NTRK3: variants seen among roughly 807,000 people sequenced by gnomAD.
The protein encoded by NTRK3 is NT-3 growth factor receptor.
Under a neutral mutation model 91.7 loss-of-function variants are expected in NTRK3, and 24 were observed. The observed-to-expected ratio is 0.26, with a 90% CI of 0.19 to 0.37. The LOEUF (loss-of-function observed/expected upper bound fraction) is 0.37, where lower values mean the gene tolerates loss of function less well. NTRK3 is among the 10% of genes least tolerant of loss of function. The pLI, the probability that NTRK3 is intolerant of heterozygous loss-of-function variation, is 1.00. For missense variants in NTRK3, 880 were observed against 1,068.9 expected (o/e 0.82, Z 2.46); for synonymous variants, 483 against 404.0 (o/e 1.20, Z -2.34).
intron 3 of NTRK3, among the ~76,000 whole-genome samples, chr15:88,231,947 T>C (rs1360837228): frequency 6.6e-6 from 1 of 152,224 alleles, no homozygotes; most frequent in Non-Finnish European, 1.5e-5. Context: ...ATTTGAACTT[T>C]CTTTAAGATT....
chr15:87,952,204 A>AGG (rs1201552419), intron 14 of NTRK3, among the ~76,000 whole-genome samples: 6 of 151,470 alleles, frequency 4.0e-5, no homozygotes, highest in Admixed American at 1.3e-4. Flanking sequence ...AAAGGAAAGA[A>AGG]AGAAAGAAGA....
chr15:88,005,477 A>C (rs1012409754), intron 14 of NTRK3, among the ~76,000 whole-genome samples: 1 of 152,038 alleles, frequency 6.6e-6, no homozygotes, highest in Non-Finnish European at 1.5e-5. Flanking sequence ...CCTAAAACAC[A>C]CTGTTCTGCA....
At chr15:88,054,385 C>A (rs1253979566) in intron 13 of NTRK3, among the ~76,000 whole-genome samples, 1 of 152,174 alleles carries the variant, frequency 6.6e-6, no homozygotes, top group African/African-American at 2.4e-5. Flanking sequence ...CAGAACTCCT[C>A]ATTCCTGGCA....
intron 14 of NTRK3, among the ~76,000 whole-genome samples, chr15:88,018,672 T>A (rs962363009): frequency 6.6e-6 from 1 of 152,146 alleles, no homozygotes; most frequent in Admixed American, 6.5e-5. Flanking sequence ...AGCAAACATT[T>A]TAACCATTCC....
intron 13 of NTRK3, among the ~76,000 whole-genome samples, chr15:88,054,343 T>A (rs898061252): frequency 3.3e-5 from 5 of 152,182 alleles, no homozygotes; most frequent in African/African-American, 9.7e-5. Flanking sequence ...CTGATCTAAG[T>A]GTCCTCTGCT....
intron 10 of NTRK3, chr15:88,131,989 T>A: frequency 4.9e-6 from 1 of 202,334 alleles, no homozygotes; most frequent in Non-Finnish European, 1.0e-5. Context: ...AATACACATG[T>A]CTCCTACAGT....
chr15:88,046,446 C>T (rs2080204823), intron 13 of NTRK3, among the ~76,000 whole-genome samples: 2 of 152,148 alleles, frequency 1.3e-5, no homozygotes, highest in Admixed American at 1.3e-4. Context: ...ACAGAGATGA[C>T]ACATAGGAAG....
At chr15:88,033,645 G>C (rs961716085) in intron 13 of NTRK3, among the ~76,000 whole-genome samples, 1 of 151,856 alleles carries the variant, frequency 6.6e-6, no homozygotes, top group Non-Finnish European at 1.5e-5. Flanking sequence ...CACTGGAAGC[G>C]TATTCCTCGA....
At chr15:88,238,468 A>G (rs975436102) in intron 3 of NTRK3, among the ~76,000 whole-genome samples, 4 of 152,308 alleles carry the variant, frequency 2.6e-5, no homozygotes, top group African/African-American at 9.6e-5. Flanking sequence ...AAGACAGAAT[A>G]TAAACATTAC....
In NTRK3 at chr15:87,929,445, A is replaced by G. The variant is rs539744663; in HGVS notation, c.1890-11T>C. The G allele has an allele frequency of 6.2e-7, 1 of 1,613,514 alleles. No individual in the cohort carries two copies. Among genetic ancestry groups the G allele is most frequent in the East Asian group, 2.2e-5 (1 of 44,860 alleles). On this transcript the variant is annotated splice_polypyrimidine_tract_variant and intron_variant, in intron 16 of 18. Coordinates refer to ENST00000394480, the Ensembl canonical transcript of NTRK3. The stretch of plus-strand genomic sequence containing the variant: ...TCTGGCCCATGGGCCCTGCAAGAGC[A>G]TGGGGAGAAGAGAGGGGGCAGAGAG...
At chr15:88,061,422 C>T (rs1024419119) in intron 13 of NTRK3, among the ~76,000 whole-genome samples, 1 of 152,232 alleles carries the variant, frequency 6.6e-6, no homozygotes. Context: ...GCTTGTGCTG[C>T]CCTCCACAAG....
intron 13 of NTRK3, among the ~76,000 whole-genome samples, chr15:88,034,141 G>C (rs112970437): frequency 1.3e-3 from 200 of 152,228 alleles, no homozygotes; most frequent in Admixed American, 3.5e-3. Flanking sequence ...ACCCTCCCTT[G>C]TTCACAGGGA....
chr15:88,106,744 A>G (rs1396755714), intron 13 of NTRK3, among the ~76,000 whole-genome samples: 4 of 152,124 alleles, frequency 2.6e-5, no homozygotes, highest in Non-Finnish European at 1.5e-5. Flanking sequence ...CAGCCTGACC[A>G]ACATGGTGAA....
intron 14 of NTRK3, among the ~76,000 whole-genome samples, chr15:88,016,591 G>C (rs1228962593): frequency 6.6e-6 from 1 of 152,210 alleles, no homozygotes; most frequent in African/African-American, 2.4e-5. Flanking sequence ...CCTCCCAGGG[G>C]CCTCTCATTC....
intron 14 of NTRK3, among the ~76,000 whole-genome samples, chr15:87,951,597 T>C (rs2071112652): frequency 6.6e-6 from 1 of 152,176 alleles, no homozygotes; most frequent in East Asian, 1.9e-4. Flanking sequence ...AGGATTTTAG[T>C]TAATGCACAA....
rs181200381 is a variant in NTRK3 at position 88,234,513 on chromosome 15, G to A, written c.248+21393C>T. 6.4e-4 allele frequency among the ~76,000 whole-genome samples: 98 copies of A among 152,156 alleles called. 1 individual carries two copies. Among genetic ancestry groups the A allele is most frequent in the African/African-American group, 2.3e-3 (94 of 41,528 alleles). Reference sequence around the variant, plus strand: ...CCATTGCTTCAGGGGCCCTCCTCACGCTGCTCCCTCCTCTAGACTAGCTCT... The same window carrying A: ...CCATTGCTTCAGGGGCCCTCCTCACACTGCTCCCTCCTCTAGACTAGCTCT... On this transcript the variant is annotated intron_variant, in intron 3 of 18. Transcript: ENST00000394480. The surrounding 1 kb of genome is among the most constrained non-coding windows in gnomAD (Gnocchi z 6.1).
intron 17 of NTRK3, among the ~76,000 whole-genome samples, chr15:87,922,024 G>C (rs530420507): frequency 6.6e-6 from 1 of 152,202 alleles, no homozygotes; most frequent in Non-Finnish European, 1.5e-5. Flanking sequence ...GCAGAGAAGA[G>C]AGGTACCACT....
rs1226462293 is a variant in NTRK3 at position 88,234,805 on chromosome 15, C to T, written c.248+21101G>A. Among the ~76,000 whole-genome samples the T allele has an allele frequency of 1.3e-5, 2 of 152,200 alleles. No individual in the cohort carries two copies. The highest frequency in any genetic ancestry group is 2.9e-5 in the Non-Finnish European group (2 of 68,030). ...ACTAAAATCTAACCCCTTCCCACAG[C>T]CTGCATGACCCTGCTTGATCTAGTC... On this transcript the variant is annotated intron_variant, in intron 3 of 18. Coordinates refer to ENST00000394480, the Ensembl canonical transcript of NTRK3. The surrounding 1 kb of genome is among the most constrained non-coding windows in gnomAD (Gnocchi z 6.1).
intron 13 of NTRK3, among the ~76,000 whole-genome samples, chr15:88,035,900 A>G (rs942025650): frequency 6.6e-6 from 1 of 152,202 alleles, no homozygotes; most frequent in African/African-American, 2.4e-5. Flanking sequence ...CGATCGTCAA[A>G]ATTTTAAAGT....
Sources: allele counts gnomAD v4.1 joint callset (sites outside exome capture counted in the v4.1 genomes callset), GRCh38; gene constraint gnomAD v4.1.1; non-coding constraint Gnocchi (gnomAD v3.1); transcripts MANE v1.5; gene names NCBI Gene and HGNC (gene_info 2026-07-23, HGNC 2026-07-21).